The following ANO3 variants were observed in gnomAD, a reference collection of about 807,000 sequenced individuals.
ANO3 encodes the protein anoctamin-3.
Under a neutral mutation model 144.8 loss-of-function variants are expected in ANO3, and 99 were observed. That is an observed-to-expected ratio of 0.68 (90% CI 0.58 to 0.81). The LOEUF (loss-of-function observed/expected upper bound fraction) is 0.81, where lower values mean the gene tolerates loss of function less well. Among genes scored for constraint, ANO3 ranks in the 30% least tolerant of loss-of-function variants. The pLI is 0.00. For missense variants in ANO3, 905 were observed against 1,202.2 expected, an observed-to-expected ratio of 0.75 and a Z score of 3.66; for synonymous variants, 414 against 392.6, an observed-to-expected ratio of 1.05 and a Z score of -0.64.
At chr11:26,246,476 ATATATT>A (rs1373835477) in intron 1 of ANO3, among the ~76,000 whole-genome samples, 1 of 146,858 alleles carries the variant, frequency 6.8e-6, no homozygotes, top group African/African-American at 2.5e-5. Context: ...ATATATATAT[ATATATT>A]ATGAGTATAA....
intron 4 of ANO3, chr11:26,474,058 A>T (rs1164590493): frequency 1.0e-6 from 1 of 985,102 alleles, no homozygotes; most frequent in Non-Finnish European, 1.2e-6. Flanking sequence ...GCTTTAAAGA[A>T]GATTGTCATT....
intron 14 of ANO3, among the ~76,000 whole-genome samples, chr11:26,575,286 A>T (rs749774899): frequency 2.0e-5 from 3 of 151,872 alleles, no homozygotes; most frequent in Non-Finnish European, 2.9e-5. Flanking sequence ...TCTGATGATT[A>T]CTCAATTCTA....
At chr11:26,553,965 T>C (rs897863980) in intron 13 of ANO3, among the ~76,000 whole-genome samples, 2 of 152,176 alleles carry the variant, frequency 1.3e-5, no homozygotes, top group Non-Finnish European at 2.9e-5. Context: ...TGTAATGAAA[T>C]GTACCTACTT....
At chr11:26,340,230 G>A (rs1350885779) in intron 1 of ANO3, among the ~76,000 whole-genome samples, 2 of 152,148 alleles carry the variant, frequency 1.3e-5, no homozygotes, top group Non-Finnish European at 2.9e-5. Flanking sequence ...ACTTTCAGTG[G>A]CAAAATCCTC....
chr11:26,260,160 T>G (rs1853153604), intron 1 of ANO3, among the ~76,000 whole-genome samples: 1 of 152,086 alleles, frequency 6.6e-6, no homozygotes, highest in African/African-American at 2.4e-5. Flanking sequence ...ACAGGCTTTT[T>G]GGGCTCTTTA....
rs144990166 is a variant in ANO3 at position 26,320,421 on chromosome 11, A to G, written c.-3+10702A>G. 2.2e-3 allele frequency among the ~76,000 whole-genome samples: 334 copies of G among 152,332 alleles called. 5 individuals are homozygous for G. Among genetic ancestry groups the G allele is most frequent in the African/African-American group, 7.4e-3 (309 of 41,580 alleles). Reference sequence around the variant, plus strand: ...ACACAGAGCAGATATGACAAAACACACAACCAATTTTCATAAATGTCCACA... The same window carrying G: ...ACACAGAGCAGATATGACAAAACACGCAACCAATTTTCATAAATGTCCACA... On this transcript the variant is annotated intron_variant, in intron 1 of 26. Transcript: ENST00000525139.
At chr11:26,524,164 C>A (rs192226812) in intron 6 of ANO3, among the ~76,000 whole-genome samples, 1 of 151,886 alleles carries the variant, frequency 6.6e-6, no homozygotes, top group Non-Finnish European at 1.5e-5. Flanking sequence ...AATATATGTA[C>A]CGGTGGTTCT....
intron 1 of ANO3, among the ~76,000 whole-genome samples, chr11:26,389,395 C>G (rs533824205): frequency 6.6e-6 from 1 of 151,790 alleles, no homozygotes; most frequent in East Asian, 1.9e-4. Context: ...TTGTAAAGCT[C>G]TAGGCTGAGT....
chr11:26,293,412 T>A (rs1286788638), intron 1 of ANO3, among the ~76,000 whole-genome samples: 2 of 151,008 alleles, frequency 1.3e-5, no homozygotes, highest in Middle Eastern at 3.5e-3. Flanking sequence ...ACTTACTCAA[T>A]TGTTATTTCC....
intron 1 of ANO3, among the ~76,000 whole-genome samples, chr11:26,310,374 C>T (rs532323400): frequency 4.6e-5 from 7 of 152,084 alleles, no homozygotes; most frequent in South Asian, 2.1e-4. Context: ...CAAGGTTAGA[C>T]GGAGAATAGA....
chr11:26,291,324 C>T (rs1853951981), intron 1 of ANO3, among the ~76,000 whole-genome samples: 1 of 152,134 alleles, frequency 6.6e-6, no homozygotes, highest in South Asian at 2.1e-4. Context: ...GATGGATCTC[C>T]TGAATACAGC....
At chr11:26,510,214 A>G (rs990046760) in intron 5 of ANO3, among the ~76,000 whole-genome samples, 1 of 152,144 alleles carries the variant, frequency 6.6e-6, no homozygotes, top group African/African-American at 2.4e-5. Flanking sequence ...TGTATGAAAT[A>G]ACAAACACAT....
intron 1 of ANO3, among the ~76,000 whole-genome samples, chr11:26,389,473 G>A (rs1348469916): frequency 6.6e-6 from 1 of 151,964 alleles, no homozygotes; most frequent in African/African-American, 2.4e-5. Flanking sequence ...TCCCAGATAT[G>A]ACACATATTT....
At chr11:26,491,242 G>A (rs1860695478) in intron 4 of ANO3, among the ~76,000 whole-genome samples, 2 of 152,076 alleles carry the variant, frequency 1.3e-5, no homozygotes, top group South Asian at 4.2e-4. Context: ...ATGATTTTAA[G>A]GGTTAGTTAT....
intron 14 of ANO3, chr11:26,565,728 T>G: frequency 6.2e-7 from 1 of 1,606,032 alleles, no homozygotes; most frequent in Admixed American, 1.7e-5. Context: ...AATAGGTTTA[T>G]TTTCCATTGT....
chr11:26,634,956 A>T (rs1852903350), intron 19 of ANO3, 57 bp from the exon 20 acceptor site: 2 of 1,403,652 alleles, frequency 1.4e-6, no homozygotes, highest in African/African-American at 1.4e-5. Flanking sequence ...ATGCCTAAGT[A>T]GATGTTCTTC....
chr11:26,240,256 C>T (rs150003487), intron 1 of ANO3, among the ~76,000 whole-genome samples: 22 of 152,156 alleles, frequency 1.4e-4, no homozygotes, highest in Admixed American at 2.6e-4. Flanking sequence ...AGTTTTCATC[C>T]TTGTGATGGC....
chr11:26,243,613 T>C (rs1434030704), intron 1 of ANO3, among the ~76,000 whole-genome samples: 1 of 152,210 alleles, frequency 6.6e-6, no homozygotes, highest in Non-Finnish European at 1.5e-5. Flanking sequence ...TTAACTCTTC[T>C]CAGAAGCAAA....
intron 5 of ANO3, 165 bp downstream of exon 5, chr11:26,508,427 T>C: frequency 3.6e-6 from 2 of 551,608 alleles, no homozygotes; most frequent in East Asian, 6.7e-5. Context: ...TAAATATGTA[T>C]TCACTTTTTA....
Sources: allele counts gnomAD v4.1 joint callset (sites outside exome capture counted in the v4.1 genomes callset), GRCh38; gene constraint gnomAD v4.1.1; transcripts MANE v1.5; gene names NCBI Gene and HGNC (gene_info 2026-07-23, HGNC 2026-07-21).